Variants in CREB5 observed in about 807,000 individuals in gnomAD.
The protein encoded by CREB5 is cAMP responsive element binding protein 5.
Under a neutral mutation model 57.1 loss-of-function variants are expected in CREB5, and 19 were observed. The ratio of observed to expected loss-of-function variants is 0.33; its 90% confidence interval spans 0.23 to 0.49. The LOEUF is 0.49. CREB5 is among the 20% of genes least tolerant of loss of function. The pLI is 0.99. For missense variants in CREB5, 579 were observed against 671.6 expected (o/e 0.86, Z 1.52); for synonymous variants, 238 against 238.3 (o/e 1.00, Z 0.01).
intron 1 of CREB5, among the ~76,000 whole-genome samples, chr7:28,420,366 A>G (rs1788192388): frequency 6.6e-6 from 1 of 152,164 alleles, no homozygotes; most frequent in Non-Finnish European, 1.5e-5. Context: ...CATTTAGAAG[A>G]TATTTTAGGA....
chr7:28,735,400 G>A (rs1803915679), intron 7 of CREB5, among the ~76,000 whole-genome samples: 1 of 152,156 alleles, frequency 6.6e-6, no homozygotes, highest in Admixed American at 6.5e-5. Flanking sequence ...TAGGATTACA[G>A]GGATCCTGCT....
intron 5 of CREB5, among the ~76,000 whole-genome samples, chr7:28,651,080 T>G (rs1254888319): frequency 1.3e-5 from 2 of 152,138 alleles, no homozygotes; most frequent in Non-Finnish European, 2.9e-5. Context: ...GACAGGATTT[T>G]GTTTTTACTA....
intron 1 of CREB5, among the ~76,000 whole-genome samples, chr7:28,414,027 G>A (rs1787922056): frequency 6.6e-6 from 1 of 151,752 alleles, no homozygotes. Context: ...TATTTTGTCG[G>A]TGTGTAGTGT....
chr7:28,517,153 C>G (rs565727411), intron 4 of CREB5, among the ~76,000 whole-genome samples: 106 of 152,260 alleles, frequency 7.0e-4, no homozygotes, highest in African/African-American at 2.6e-3. Flanking sequence ...GCATCTGTAG[C>G]TAAGTTACTT....
chr7:28,805,336 G>A (rs561036337), intron 8 of CREB5, among the ~76,000 whole-genome samples: 14 of 152,220 alleles, frequency 9.2e-5, no homozygotes, highest in Admixed American at 8.5e-4. Context: ...TTTAGTAAGT[G>A]GATGAAGGGC....
intron 1 of CREB5, among the ~76,000 whole-genome samples, chr7:28,304,333 A>T (rs907164139): frequency 3.9e-5 from 6 of 152,232 alleles, no homozygotes; most frequent in African/African-American, 1.4e-4. Flanking sequence ...GTACAAGAGG[A>T]TATGTGAAAA....
At chr7:28,532,561 A>C (rs1374249328) in intron 4 of CREB5, among the ~76,000 whole-genome samples, 1 of 152,112 alleles carries the variant, frequency 6.6e-6, no homozygotes, top group East Asian at 1.9e-4. Context: ...CCAGACCAAC[A>C]GTGCCTCGGG....
chr7:28,624,587 C>T (rs1015673846), intron 5 of CREB5, among the ~76,000 whole-genome samples: 4 of 152,024 alleles, frequency 2.6e-5, no homozygotes, highest in African/African-American at 9.7e-5. Flanking sequence ...TTCTGCCTCA[C>T]CCCAGTAAAT....
At chr7:28,401,191 G>A (rs1481035076) in intron 1 of CREB5, among the ~76,000 whole-genome samples, 2 of 152,060 alleles carry the variant, frequency 1.3e-5, no homozygotes, top group African/African-American at 4.8e-5. Flanking sequence ...AACTTTTATA[G>A]GGATGTTAAC....
intron 4 of CREB5, among the ~76,000 whole-genome samples, chr7:28,523,802 C>G (rs994776770): frequency 2.6e-5 from 4 of 152,230 alleles, no homozygotes; most frequent in Non-Finnish European, 4.4e-5. Context: ...TCCATGAAGC[C>G]TTCTCTGATC....
chr7:28,762,064 C>T (rs1805690869), intron 7 of CREB5, among the ~76,000 whole-genome samples: 1 of 152,168 alleles, frequency 6.6e-6, no homozygotes, highest in Non-Finnish European at 1.5e-5. Flanking sequence ...GCAAACTTAC[C>T]AGCTAAGTCA....
intron 5 of CREB5, among the ~76,000 whole-genome samples, chr7:28,610,906 T>A (rs4722821): frequency 5.3e-5 from 8 of 151,964 alleles, no homozygotes; most frequent in East Asian, 1.9e-4. Context: ...TGTGTGTGTG[T>A]GTGAGAGAGA....
At chr7:28,485,956 C>T (rs1225938886) in intron 1 of CREB5, among the ~76,000 whole-genome samples, 1 of 152,014 alleles carries the variant, frequency 6.6e-6, no homozygotes, top group Non-Finnish European at 1.5e-5. Flanking sequence ...TTTAATTGCT[C>T]AACACTCCCC....
At chr7:28,638,806 C>A (rs1435458679) in intron 5 of CREB5, among the ~76,000 whole-genome samples, 1 of 152,052 alleles carries the variant, frequency 6.6e-6, no homozygotes, top group Non-Finnish European at 1.5e-5. Context: ...TTTTTCACAT[C>A]CCATAGCAAA....
At chr7:28,667,096 T>C (rs899488707) in intron 5 of CREB5, among the ~76,000 whole-genome samples, 4 of 152,000 alleles carry the variant, frequency 2.6e-5, no homozygotes, top group Admixed American at 6.6e-5. Flanking sequence ...CTTGGAATCA[T>C]GTAGAAAATT....
intron 5 of CREB5, among the ~76,000 whole-genome samples, chr7:28,627,556 G>A (rs1402653470): frequency 1.3e-5 from 2 of 152,134 alleles, no homozygotes; most frequent in African/African-American, 4.8e-5. Context: ...ACCCTGAAAG[G>A]CCTTGGCTCA....
At chr7:28,584,803 C>T (rs1796250634) in intron 5 of CREB5, among the ~76,000 whole-genome samples, 1 of 151,908 alleles carries the variant, frequency 6.6e-6, no homozygotes, top group South Asian at 2.1e-4. Flanking sequence ...AACTATCACT[C>T]CATTCTCATT....
At chr7:28,374,146 T>C (rs1438222513) in intron 1 of CREB5, among the ~76,000 whole-genome samples, 1 of 151,904 alleles carries the variant, frequency 6.6e-6, no homozygotes, top group Non-Finnish European at 1.5e-5. Context: ...ATCCAGAAAA[T>C]GCAAATTAAA....
intron 1 of CREB5, among the ~76,000 whole-genome samples, chr7:28,380,731 T>C (rs1016685289): frequency 6.6e-6 from 1 of 152,178 alleles, no homozygotes; most frequent in African/African-American, 2.4e-5. Context: ...AAGGAAGCTG[T>C]CACCATTTTT....
Sources: gnomAD v4.1 joint callset for allele counts (sites outside exome capture counted in the v4.1 genomes callset) on GRCh38, gnomAD v4.1.1 for gene constraint, MANE v1.5 for transcripts, NCBI Gene and HGNC (gene_info 2026-07-23, HGNC 2026-07-21) for gene names.